The following IL16 variants were observed in gnomAD, a reference collection of about 807,000 sequenced individuals.
The protein encoded by IL16 is pro-interleukin-16.
A neutral mutation model predicts 110.1 loss-of-function variants in IL16; 67 were observed. The ratio of observed to expected loss-of-function variants is 0.61; its 90% CI spans 0.50 to 0.75. IL16 has a LOEUF of 0.75. IL16 is among the 30% of genes least tolerant of loss of function. The pLI is 0.00. For synonymous variants in IL16, 689 were observed against 662.9 expected (o/e 1.04, Z -0.61); for missense variants, 1,545 against 1,655.0 (o/e 0.93, Z 1.15).
At chr15:81,234,463 A>G (rs1409816078) in intron 2 of IL16, among the ~76,000 whole-genome samples, 2 of 152,118 alleles carry the variant, frequency 1.3e-5, no homozygotes, top group African/African-American at 2.4e-5. Context: ...CAGTCTTAAT[A>G]TATTAGTCTT....
intron 12 of IL16, among the ~76,000 whole-genome samples, chr15:81,294,481 G>A (rs1041066568): frequency 6.6e-6 from 1 of 152,212 alleles, no homozygotes; most frequent in African/African-American, 2.4e-5. Context: ...TAGGGTCAGG[G>A]AATATTCCCG....
intron 1 of IL16, 115 bp downstream of exon 1, chr15:81,197,267 A>G: frequency 1.7e-6 from 1 of 597,466 alleles, no homozygotes; most frequent in Non-Finnish European, 2.5e-6. Context: ...GTAACTTCAT[A>G]TTTGGAAGTG....
chr15:81,292,773 G>A lies in IL16; in HGVS notation c.1638G>A (p.Leu546=), dbSNP rs759350566. The part of the protein sequence containing the change: ...DVDISTHSPS[L]PLAREPVVLS... Reference sequence around the variant, plus strand: ...ACATCAGCACACACAGCCCCAGCTTGCCTCTGGCACGGGAGCCAGTGGTGC... The same window carrying A: ...ACATCAGCACACACAGCCCCAGCTTACCTCTGGCACGGGAGCCAGTGGTGC... Residue 546 remains leucine (L), a synonymous_variant, in exon 12 of 19, where the codon TTG becomes TTA. Transcript: ENST00000683961. 1 of 1,614,140 alleles carries A rather than the reference G, an allele frequency of 6.2e-7. No homozygotes were observed. Among genetic ancestry groups the A allele is most frequent in the Non-Finnish European group, 8.5e-7 (1 of 1,180,016 alleles).
intron 1 of IL16, among the ~76,000 whole-genome samples, chr15:81,184,235 A>G (rs1244586678): frequency 6.6e-6 from 1 of 152,218 alleles, no homozygotes; most frequent in Non-Finnish European, 1.5e-5. Flanking sequence ...TCTGATTCAC[A>G]GGGAGGTCTT....
At chr15:81,223,065 T>G (rs1425866309) in intron 1 of IL16, among the ~76,000 whole-genome samples, 1 of 152,186 alleles carries the variant, frequency 6.6e-6, no homozygotes, top group Non-Finnish European at 1.5e-5. Flanking sequence ...CTTCTGCCAA[T>G]GGATCTGAGC....
At chr15:81,249,000 C>G (rs1397461381) in intron 2 of IL16, among the ~76,000 whole-genome samples, 1 of 152,050 alleles carries the variant, frequency 6.6e-6, no homozygotes, top group African/African-American at 2.4e-5. Context: ...GGATTACAGA[C>G]AGACATAAGC....
intron 1 of IL16, among the ~76,000 whole-genome samples, chr15:81,199,151 T>C (rs1895720025): frequency 2.0e-5 from 3 of 151,824 alleles, no homozygotes; most frequent in Non-Finnish European, 4.4e-5. Context: ...TCATTGTGAA[T>C]AGCAATATGC....
At chr15:81,267,495 C>CACACACACACAT (rs1555420241) in intron 4 of IL16, among the ~76,000 whole-genome samples, 1 of 151,118 alleles carries the variant, frequency 6.6e-6, no homozygotes, top group Admixed American at 6.6e-5. Context: ...CACACACACA[C>CACACACACACAT]ACACACACAC....
At chr15:81,196,844 C>T (rs991760273), upstream of IL16, 1 of 1,152,688 alleles carries the variant, frequency 8.7e-7, no homozygotes, top group South Asian at 1.8e-5. Flanking sequence ...TGGCTCAGAT[C>T]AGGAGTCTTC....
At chr15:81,231,057 G>T (rs140010235) in intron 2 of IL16, among the ~76,000 whole-genome samples, 85 of 152,164 alleles carry the variant, frequency 5.6e-4, no homozygotes, top group African/African-American at 2.0e-3. Flanking sequence ...ATCATTTTCT[G>T]GCTGGGCACA....
Position 81,279,471 on chromosome 15 carries a change from C to G in IL16, c.865-87C>G, listed in dbSNP as rs138142962. ...CATTTATATTTCATACACATACACACACACAGAGGTGTGTTTCCTTAAACA... is the reference window on the plus strand; with the variant it reads ...CATTTATATTTCATACACATACACAGACACAGAGGTGTGTTTCCTTAAACA... On this transcript the variant is annotated intron_variant, in intron 7 of 18. Transcript: ENST00000683961. 2,045 of 851,026 alleles carry G rather than the reference C, an allele frequency of 2.4e-3. 8 individuals carry two copies. The highest frequency in any genetic ancestry group is 7.0e-3 in the Middle Eastern group (23 of 3,306). The allele number at this position is 851,026 out of a possible 1,614,324, so 52.7% of individuals were successfully genotyped here.
chr15:81,267,679 C>T (rs977702085), intron 4 of IL16, among the ~76,000 whole-genome samples: 5 of 152,056 alleles, frequency 3.3e-5, no homozygotes, highest in Non-Finnish European at 5.9e-5. Flanking sequence ...GGTGTGGTTC[C>T]CATCCAAAGG....
At chr15:81,279,442 C>T (rs534795210) in intron 7 of IL16, 116 bp from the exon 8 acceptor site, 68 of 661,502 alleles carry the variant, frequency 1.0e-4, no homozygotes, top group Middle Eastern at 4.1e-4. Context: ...TGAATATATG[C>T]GCACATTTAT....
chr15:81,245,640 G>A lies in IL16; in HGVS notation c.313-14132G>A, dbSNP rs8036626. Among the ~76,000 whole-genome samples, 1,109 of 150,912 alleles carry A rather than the reference G, an allele frequency of 7.3e-3. 12 individuals carry two copies. Among genetic ancestry groups the A allele is most frequent in the African/African-American group, 0.026 (1,059 of 40,962 alleles). On this transcript the variant is annotated intron_variant, in intron 2 of 18. Transcript: ENST00000683961. ...GGCCCCATTTTTCTTTGGTGGAGTG[G>A]AGCAGTTATTGTCTAATGTTTTCTG...
upstream of IL16, among the ~76,000 whole-genome samples, chr15:81,192,850 G>C (rs533022452): frequency 3.5e-4 from 54 of 152,322 alleles, no homozygotes; most frequent in Admixed American, 2.9e-3. Flanking sequence ...AAGTGGGATA[G>C]CTTCTGGGGA....
At position 81,273,220 on chromosome 15, in the gene IL16, C is replaced by T; in HGVS notation, c.790+16C>T. The T allele has an allele frequency of 6.5e-7, 1 of 1,549,196 alleles. No individual in the cohort carries two copies. Among genetic ancestry groups the T allele is most frequent in the Non-Finnish European group, 8.9e-7 (1 of 1,128,108 alleles). ...CTACAGGAAGGTAGGCTTCCCAGCC[C>T]TTTTCAGACCATGGTGGAGGAATCA... On this transcript the variant is annotated intron_variant, in intron 6 of 18. Coordinates refer to ENST00000683961, the MANE Select transcript of IL16 (RefSeq NM_172217.5).
chr15:81,277,619 C>T (rs538903148), intron 6 of IL16, among the ~76,000 whole-genome samples: 2 of 152,084 alleles, frequency 1.3e-5, no homozygotes, highest in South Asian at 2.1e-4. Flanking sequence ...AATATTTGTA[C>T]GTTTTGTAGA....
chr15:81,285,321 C>T (rs773899881), intron 9 of IL16, among the ~76,000 whole-genome samples: 1 of 152,082 alleles, frequency 6.6e-6, no homozygotes, highest in Non-Finnish European at 1.5e-5. Context: ...ACACAGAGGC[C>T]CAAGGAGAGG....
intron 6 of IL16, among the ~76,000 whole-genome samples, chr15:81,276,268 G>A (rs140037924): frequency 6.6e-6 from 1 of 152,144 alleles, no homozygotes; most frequent in Non-Finnish European, 1.5e-5. Flanking sequence ...TTTCCAATAC[G>A]TAGACTTGTG....
Sources: allele counts gnomAD v4.1 joint callset (sites outside exome capture counted in the v4.1 genomes callset), GRCh38; gene constraint gnomAD v4.1.1; transcripts MANE v1.5; gene names NCBI Gene and HGNC (gene_info 2026-07-23, HGNC 2026-07-21).